Variants in OPHN1 observed in about 807,000 individuals in gnomAD.
OPHN1 encodes the protein oligophrenin-1.
In OPHN1, 11 loss-of-function variants were observed where a neutral mutation model predicts 60.7. That is an observed-to-expected ratio of 0.18 (90% CI 0.11 to 0.30). The LOEUF is 0.30. OPHN1 is among the 10% of genes least tolerant of loss of function. OPHN1 has a pLI of 1.00. For missense variants in OPHN1, 449 were observed against 611.0 expected (o/e 0.73, Z 2.80); for synonymous variants, 226 against 222.6 (o/e 1.02, Z -0.14).
chrX:68,412,546 T>G (rs2147778611), intron 2 of OPHN1, among the ~76,000 whole-genome samples: 1 of 111,510 alleles, frequency 9.0e-6, no homozygotes, highest in East Asian at 2.8e-4. Context: ...ACGATAAGAG[T>G]TCTGGAGATG....
intron 23 of OPHN1, among the ~76,000 whole-genome samples, chrX:68,050,143 G>A (rs1370946585): frequency 8.9e-6 from 1 of 111,748 alleles, no homozygotes; most frequent in Non-Finnish European, 1.9e-5. Flanking sequence ...AGGCCAACCT[G>A]TGGAAGCACT....
At chrX:68,223,074 T>C (rs187570268) in intron 6 of OPHN1, among the ~76,000 whole-genome samples, 103 of 112,025 alleles carry the variant, frequency 9.2e-4, no homozygotes, top group African/African-American at 3.0e-3. Context: ...AGGGAATGCT[T>C]ATTCACTTTG....
chrX:68,367,413 G>C (rs927907111), intron 2 of OPHN1, among the ~76,000 whole-genome samples: 1 of 108,608 alleles, frequency 9.2e-6, no homozygotes, highest in Non-Finnish European at 1.9e-5. Context: ...TTGAACTCTG[G>C]AAAAAAGTCA....
At position 68,236,963 on chromosome X, in the gene OPHN1, T is replaced by C. The variant is rs767785178; in HGVS notation, c.385-2375A>G. ...TTATGTCAGCACCACACTATCTTGATTACTGTGGCTTTGTAGTAAGTTTTC... is the reference window on the plus strand; with the variant it reads ...TTATGTCAGCACCACACTATCTTGACTACTGTGGCTTTGTAGTAAGTTTTC... On this transcript the variant is annotated intron_variant, in intron 5 of 24. Transcript: ENST00000355520. 2.7e-5 allele frequency among the ~76,000 whole-genome samples: 3 copies of C among 112,409 alleles called. No individual in the cohort carries two copies. The East Asian group carries it at 8.4e-4, about 31-fold the overall frequency.
rs748347841 is a variant in OPHN1 at position 68,052,979 on chromosome X, A to C, written c.2325-389T>G. On this transcript the variant is annotated intron_variant, in intron 22 of 24. Coordinates refer to ENST00000355520, the MANE Select transcript of OPHN1 (RefSeq NM_002547.3). Reference sequence around the variant, plus strand: ...AATTTTACAATTATGGAAAACAAGAAAGACAAGAAAAAGGAAGACCAGGAG... The same window carrying C: ...AATTTTACAATTATGGAAAACAAGACAGACAAGAAAAAGGAAGACCAGGAG... 1.3e-4 allele frequency among the ~76,000 whole-genome samples: 15 copies of C among 112,607 alleles called. 1 individual carries two copies. The highest frequency in any genetic ancestry group is 3.9e-4 in the African/African-American group (12 of 31,017).
At chrX:68,292,589 T>C (rs1234590765) in intron 3 of OPHN1, among the ~76,000 whole-genome samples, 1 of 111,480 alleles carries the variant, frequency 9.0e-6, no homozygotes, top group Non-Finnish European at 1.9e-5. Flanking sequence ...AATCTGATGC[T>C]TCCCTGAAAG....
At chrX:68,384,206 G>A (rs921808186) in intron 2 of OPHN1, among the ~76,000 whole-genome samples, 6 of 111,613 alleles carry the variant, frequency 5.4e-5, no homozygotes, top group East Asian at 2.8e-4. Flanking sequence ...AGAGGGTTAT[G>A]AGACTACCAT....
intron 6 of OPHN1, among the ~76,000 whole-genome samples, chrX:68,218,376 A>T (rs202163558): frequency 1.1e-5 from 1 of 94,002 alleles, no homozygotes; most frequent in East Asian, 3.8e-4. Flanking sequence ...TCCAAGAGAA[A>T]TTCCCCAATC....
intron 2 of OPHN1, among the ~76,000 whole-genome samples, chrX:68,314,962 G>A (rs1332767550): frequency 9.5e-6 from 1 of 105,143 alleles, no homozygotes; most frequent in Non-Finnish European, 2.0e-5. Flanking sequence ...CTCCAGCCTG[G>A]GCGACAGAGC....
At chrX:68,267,480 T>A (rs867531408) in intron 5 of OPHN1, among the ~76,000 whole-genome samples, 2 of 111,535 alleles carry the variant, frequency 1.8e-5, no homozygotes, top group Non-Finnish European at 3.8e-5. Context: ...TTGAAACCAA[T>A]GAGAACAAAG....
At chrX:68,215,902 G>A (rs773020802) in intron 6 of OPHN1, among the ~76,000 whole-genome samples, 1 of 111,206 alleles carries the variant, frequency 9.0e-6, no homozygotes, top group Non-Finnish European at 1.9e-5. Context: ...AAAATGATAT[G>A]TCGGAAATAT....
intron 2 of OPHN1, among the ~76,000 whole-genome samples, chrX:68,424,541 A>C (rs2078845135): frequency 9.0e-6 from 1 of 111,714 alleles, no homozygotes; most frequent in African/African-American, 3.3e-5. Flanking sequence ...CCAGATCCTC[A>C]TAGGCTTTTA....
At chrX:68,215,905 G>A (rs73212871) in intron 6 of OPHN1, among the ~76,000 whole-genome samples, 5,727 of 109,970 alleles carry the variant, frequency 0.052, 186 homozygotes, top group Admixed American at 0.16. Flanking sequence ...ATGATATGTC[G>A]GAAATATAGA....
chrX:68,201,825 CAATGTGTAGACTCACTGAG>C, intron 10 of OPHN1, 115 bp from the exon 11 acceptor site: 2 of 575,166 alleles, frequency 3.5e-6, no homozygotes, highest in Non-Finnish European at 3.0e-6. Flanking sequence ...GCAGCAGGAG[CAATGTGTAGACTCACTGAG>C]AATCTTGTCC....
At chrX:68,189,937 T>A (rs1275036543) in intron 15 of OPHN1, among the ~76,000 whole-genome samples, 1 of 103,671 alleles carries the variant, frequency 9.6e-6, no homozygotes, top group Non-Finnish European at 2.0e-5. Context: ...TAAAAAAAAA[T>A]AACAAGAAGT....
intron 5 of OPHN1, among the ~76,000 whole-genome samples, chrX:68,251,241 C>A (rs1411000483): frequency 1.2e-5 from 1 of 83,150 alleles, no homozygotes. Context: ...GGCTGGAGTA[C>A]AATGGCGCAA....
chrX:68,348,561 C>T (rs780703411), intron 2 of OPHN1, among the ~76,000 whole-genome samples: 2 of 110,948 alleles, frequency 1.8e-5, no homozygotes, highest in Non-Finnish European at 3.8e-5. Flanking sequence ...GTTGTTACTG[C>T]GGCTGTGCAT....
At chrX:68,420,304 C>T (rs1390821349) in intron 2 of OPHN1, among the ~76,000 whole-genome samples, 3 of 112,069 alleles carry the variant, frequency 2.7e-5, no homozygotes, top group Non-Finnish European at 3.8e-5. Context: ...AAAGAATACA[C>T]AGAAAATCTA....
At chrX:68,368,194 T>C (rs1049105531) in intron 2 of OPHN1, among the ~76,000 whole-genome samples, 1 of 110,487 alleles carries the variant, frequency 9.1e-6, no homozygotes, top group African/African-American at 3.3e-5. Context: ...AAAAAGCTGA[T>C]GGGGGGCAGA....
Sources: allele counts gnomAD v4.1 joint callset (sites outside exome capture counted in the v4.1 genomes callset), GRCh38; gene constraint gnomAD v4.1.1; transcripts MANE v1.5; gene names NCBI Gene and HGNC (gene_info 2026-07-23, HGNC 2026-07-21).